OPCML: variants seen among roughly 807,000 people sequenced by gnomAD.
The protein encoded by OPCML is opioid-binding protein/cell adhesion molecule.
A neutral mutation model predicts 37.8 loss-of-function variants in OPCML; 13 were observed. That is an observed-to-expected ratio of 0.34 (90% confidence interval 0.22 to 0.55). The LOEUF (loss-of-function observed/expected upper bound fraction) is 0.55, where lower values mean the gene tolerates loss of function less well. Among genes scored for constraint, OPCML ranks in the 20% least tolerant of loss-of-function variants. OPCML has a pLI of 0.91. For missense variants in OPCML, 341 were observed against 435.6 expected (o/e 0.78, Z 1.93); for synonymous variants, 176 against 168.8 (o/e 1.04, Z -0.33).
chr11:133,017,207 T>A (rs1947350313), intron 1 of OPCML, among the ~76,000 whole-genome samples: 1 of 152,090 alleles, frequency 6.6e-6, no homozygotes, highest in South Asian at 2.1e-4. Flanking sequence ...ACTAATCCCA[T>A]TTGTGAGAGC....
intron 1 of OPCML, among the ~76,000 whole-genome samples, chr11:133,333,806 A>G: frequency 6.6e-6 from 1 of 152,262 alleles, no homozygotes; most frequent in South Asian, 2.1e-4. Flanking sequence ...GAAAAACAAA[A>G]AACCCCATTG....
chr11:133,516,056 A>G (rs1425982519), intron 1 of OPCML, among the ~76,000 whole-genome samples: 1 of 152,076 alleles, frequency 6.6e-6, no homozygotes, highest in African/African-American at 2.4e-5. Flanking sequence ...CTACGTGTGC[A>G]GGGCGCTTAT....
At chr11:133,436,998 C>A (rs772504718) in intron 1 of OPCML, among the ~76,000 whole-genome samples, 1 of 152,184 alleles carries the variant, frequency 6.6e-6, no homozygotes. Context: ...TCTCACACAT[C>A]CGCATGAGCC....
intron 2 of OPCML, among the ~76,000 whole-genome samples, chr11:132,868,331 G>T (rs551258668): frequency 2.8e-5 from 4 of 143,670 alleles, no homozygotes; most frequent in African/African-American, 1.0e-4. Context: ...TTTACAAAGG[G>T]GATATATTAT....
At chr11:132,683,458 T>C (rs1301518652) in intron 2 of OPCML, among the ~76,000 whole-genome samples, 4 of 152,164 alleles carry the variant, frequency 2.6e-5, no homozygotes, top group Non-Finnish European at 5.9e-5. Context: ...CTGGAAAAAG[T>C]AGATGATTTA....
chr11:132,883,659 A>G (rs1191319435), intron 2 of OPCML, among the ~76,000 whole-genome samples: 2 of 152,190 alleles, frequency 1.3e-5, no homozygotes, highest in Non-Finnish European at 2.9e-5. Flanking sequence ...AAGCAGGAAG[A>G]TGAGAGGCGA....
At chr11:132,864,339 CA>C (rs1471125811) in intron 2 of OPCML, among the ~76,000 whole-genome samples, 2 of 152,180 alleles carry the variant, frequency 1.3e-5, no homozygotes, top group Non-Finnish European at 2.9e-5. Context: ...AGCAAACCTT[CA>C]GAAGGTGAAG....
At chr11:133,432,979 A>T (rs1946155849) in intron 1 of OPCML, among the ~76,000 whole-genome samples, 1 of 152,150 alleles carries the variant, frequency 6.6e-6, no homozygotes, top group African/African-American at 2.4e-5. Flanking sequence ...TGAACCAAGG[A>T]AGTTTATGAA....
chr11:132,910,091 C>T (rs1944374367), intron 2 of OPCML, among the ~76,000 whole-genome samples: 1 of 152,286 alleles, frequency 6.6e-6, no homozygotes, highest in South Asian at 2.1e-4. Context: ...AGAAACCTTT[C>T]CTGCATGTGA....
chr11:132,523,212 G>A (rs935981902), intron 4 of OPCML, among the ~76,000 whole-genome samples: 11 of 152,196 alleles, frequency 7.2e-5, no homozygotes, highest in African/African-American at 2.4e-4. Flanking sequence ...CAGCTGATCA[G>A]TACATTTCTA....
At chr11:132,439,161 G>A (rs1303152032) in intron 4 of OPCML, among the ~76,000 whole-genome samples, 1 of 152,162 alleles carries the variant, frequency 6.6e-6, no homozygotes, top group Non-Finnish European at 1.5e-5. Flanking sequence ...ATAGATGTGA[G>A]GTTCAGAGTC....
At chr11:132,435,049 A>T in intron 7 of OPCML, 1 of 537,522 alleles carries the variant, frequency 1.9e-6, no homozygotes, top group Non-Finnish European at 3.3e-6. Context: ...TCTACCTCAG[A>T]GACATAAATT....
chr11:132,927,317 T>C (rs1347302731), intron 2 of OPCML, among the ~76,000 whole-genome samples: 2 of 152,122 alleles, frequency 1.3e-5, no homozygotes, highest in South Asian at 2.1e-4. Context: ...TAATTTATCA[T>C]TTACAAAAGA....
chr11:133,107,316 G>A (rs1221816149), intron 1 of OPCML, among the ~76,000 whole-genome samples: 1 of 152,214 alleles, frequency 6.6e-6, no homozygotes, highest in Admixed American at 6.5e-5. Flanking sequence ...TAAAGCTGCT[G>A]CACTCTGATA....
chr11:132,906,829 T>A (rs1462448485), intron 2 of OPCML, among the ~76,000 whole-genome samples: 1 of 152,212 alleles, frequency 6.6e-6, no homozygotes, highest in Non-Finnish European at 1.5e-5. Flanking sequence ...GTTTCCTTGG[T>A]TGAAACCCAA....
At position 133,211,250 on chromosome 11, in the gene OPCML, G is replaced by C. The variant is rs750630529; in HGVS notation, c.62-268240C>G. On this transcript the variant is annotated intron_variant, in intron 1 of 7. Coordinates refer to ENST00000524381, the MANE Select transcript of OPCML (RefSeq NM_001012393.5). The surrounding 1 kb of genome is among the most constrained non-coding windows in gnomAD (Gnocchi z 4.1). ...TTTCCTGGGTCCCAGTGAGTGAGGT[G>C]GTGGACATTTGTTATTTTTAGAGCC... 2.3e-4 allele frequency among the ~76,000 whole-genome samples: 35 copies of C among 152,244 alleles called. No homozygotes were observed. The highest frequency in any genetic ancestry group is 4.0e-4 in the Non-Finnish European group (27 of 68,018).
intron 1 of OPCML, among the ~76,000 whole-genome samples, chr11:133,172,085 C>A (rs932703986): frequency 2.6e-5 from 4 of 152,190 alleles, no homozygotes; most frequent in Non-Finnish European, 4.4e-5. Context: ...GATTAACCCT[C>A]CTTTAATTTA....
intron 1 of OPCML, among the ~76,000 whole-genome samples, chr11:133,331,049 G>T (rs1165973714): frequency 1.3e-5 from 2 of 152,134 alleles, no homozygotes; most frequent in African/African-American, 2.4e-5. Flanking sequence ...CAATACAATT[G>T]GTGTAGATAA....
intron 1 of OPCML, among the ~76,000 whole-genome samples, chr11:132,947,850 T>C (rs1001317125): frequency 2.6e-5 from 4 of 152,212 alleles, no homozygotes; most frequent in African/African-American, 9.6e-5. Context: ...GTGTTTCAGA[T>C]TTTGAATTAT....
Sources: gnomAD v4.1 joint callset for allele counts (sites outside exome capture counted in the v4.1 genomes callset) on GRCh38, gnomAD v4.1.1 for gene constraint, Gnocchi (gnomAD v3.1) non-coding constraint, MANE v1.5 for transcripts, NCBI Gene and HGNC (gene_info 2026-07-23, HGNC 2026-07-21) for gene names.